Variants in FRMD6 observed in about 807,000 individuals in gnomAD.
The protein encoded by FRMD6 is FERM domain-containing protein 6.
A neutral mutation model predicts 73.2 loss-of-function variants in FRMD6; 37 were observed. That is an observed-to-expected ratio of 0.51 (90% confidence interval 0.39 to 0.66). FRMD6 has a LOEUF of 0.66. FRMD6 is among the 30% of genes least tolerant of loss of function. The pLI, the probability that FRMD6 is intolerant of heterozygous loss-of-function variation, is 0.00. For synonymous variants in FRMD6, 273 were observed against 282.2 expected, an observed-to-expected ratio of 0.97 and a Z score of 0.33; for missense variants, 714 against 780.5, an observed-to-expected ratio of 0.91 and a Z score of 1.02.
intron 2 of FRMD6, chr14:51,578,929 A>T (rs1339568276): frequency 6.6e-6 from 1 of 152,216 alleles, no homozygotes; most frequent in Non-Finnish European, 1.5e-5. Flanking sequence ...GAATGTGGCT[A>T]TGGGAAGGTA....
upstream of FRMD6, among the ~76,000 whole-genome samples, chr14:51,487,694 G>A (rs887708047): frequency 6.6e-6 from 1 of 152,190 alleles, no homozygotes; most frequent in Non-Finnish European, 1.5e-5. Flanking sequence ...AAGGATGAAA[G>A]ATTTTTAAAG....
In FRMD6 at chr14:51,730,672, T is replaced by C. The variant is rs573415293; in HGVS notation, c.*2643T>C. 1 of 152,430 alleles carries C rather than the reference T, an allele frequency of 6.6e-6. No homozygotes were observed. Among genetic ancestry groups the C allele is most frequent in the South Asian group, 2.1e-4 (1 of 4,822 alleles). 9.4% of individuals were successfully genotyped at this position (152,430 alleles called of 1,614,324 possible). ...CCTGCATTATTTTGTAATTATTTCTTATAGATATTTCATGGTAAGATTAGC... is the reference window on the plus strand; with the variant it reads ...CCTGCATTATTTTGTAATTATTTCTCATAGATATTTCATGGTAAGATTAGC... On this transcript the variant is annotated 3_prime_UTR_variant, in exon 14 of 14. Transcript: ENST00000344768.
At chr14:51,477,492 T>C in the FRMD6 span, among the ~76,000 whole-genome samples, 1 of 152,106 alleles carries the variant, frequency 6.6e-6, no homozygotes, top group Non-Finnish European at 1.5e-5. Context: ...GGGAAACAAG[T>C]AGAAGATGAC....
the FRMD6 span, among the ~76,000 whole-genome samples, chr14:51,398,448 T>C: frequency 2.1e-4 from 32 of 152,260 alleles, no homozygotes; most frequent in African/African-American, 7.7e-4. Context: ...TCAAGAACAA[T>C]AGCTATGCAA....
chr14:51,472,732 C>T, the FRMD6 span, among the ~76,000 whole-genome samples: 1 of 152,208 alleles, frequency 6.6e-6, no homozygotes, highest in East Asian at 1.9e-4. Context: ...AGCACCCTGT[C>T]AAAAATTCTG....
intron 1 of FRMD6, among the ~76,000 whole-genome samples, chr14:51,560,111 C>G (rs190762572): frequency 1.3e-5 from 2 of 152,134 alleles, no homozygotes; most frequent in African/African-American, 4.8e-5. Context: ...TAGCAATCTG[C>G]AATACATTTA....
chr14:51,620,406 C>T (rs140562567), intron 2 of FRMD6, among the ~76,000 whole-genome samples: 59 of 152,078 alleles, frequency 3.9e-4, no homozygotes, highest in Middle Eastern at 3.4e-3. Context: ...ACTGATTTGG[C>T]GCATGGTTGG....
At chr14:51,487,822 A>G (rs1882807534), upstream of FRMD6, among the ~76,000 whole-genome samples, 2 of 152,290 alleles carry the variant, frequency 1.3e-5, no homozygotes, top group African/African-American at 4.8e-5. Flanking sequence ...AAATCCCCCC[A>G]CTGATACTGT....
chr14:51,401,549 T>C, the FRMD6 span, among the ~76,000 whole-genome samples: 3 of 152,172 alleles, frequency 2.0e-5, no homozygotes, highest in African/African-American at 7.2e-5. Flanking sequence ...GATCAGGTGA[T>C]ATCTTGGATG....
At chr14:51,714,985 T>G (rs1897162303) in intron 9 of FRMD6, 1 of 163,426 alleles carries the variant, frequency 6.1e-6, no homozygotes, top group South Asian at 2.0e-4. Context: ...AGTTAGGGTG[T>G]TGGGATTATA....
At chr14:51,459,914 G>A in the FRMD6 span, among the ~76,000 whole-genome samples, 4 of 26,762 alleles carry the variant, frequency 1.5e-4, no homozygotes, top group East Asian at 3.3e-3. Flanking sequence ...TACAAACTTC[G>A]GCTATGGCTA....
chr14:51,727,910 T>C lies in FRMD6; in HGVS notation c.1750T>C (p.Cys584Arg). 6.8e-6 allele frequency: 11 copies of C among 1,614,192 alleles called. No homozygotes were observed. Among genetic ancestry groups the C allele is most frequent in the Non-Finnish European group, 9.3e-6 (11 of 1,180,018 alleles). ...TGAACTGGATGAGGAAGGCCTCTAT[T>C]GCAACAGTTGCTTGGCCCAGCAGTG... ...GHELDEEGLY[C>R]NSCLAQQCIN... Residue 584 changes from cysteine (C) to arginine (R), a missense_variant, in exon 14 of 14, where the codon TGC becomes CGC. Coordinates refer to ENST00000344768, the MANE Select transcript of FRMD6 (RefSeq NM_001267046.2).
chr14:51,707,238 T>C (rs1896677177), intron 6 of FRMD6, among the ~76,000 whole-genome samples: 1 of 152,176 alleles, frequency 6.6e-6, no homozygotes, highest in Non-Finnish European at 1.5e-5. Context: ...TTCATCATAT[T>C]TAATTCTCTG....
chr14:51,677,282 A>G (rs1401680838), intron 1 of FRMD6, among the ~76,000 whole-genome samples: 2 of 152,134 alleles, frequency 1.3e-5, no homozygotes, highest in East Asian at 1.9e-4. Context: ...CTCTTTGGGA[A>G]GAAGTATTTC....
chr14:51,468,073 G>T, the FRMD6 span, among the ~76,000 whole-genome samples: 4 of 152,078 alleles, frequency 2.6e-5, no homozygotes, highest in African/African-American at 9.7e-5. Flanking sequence ...CAGATCACTC[G>T]CGGTCAGGAG....
chr14:51,538,717 G>T (rs1886044885), intron 1 of FRMD6, among the ~76,000 whole-genome samples: 2 of 152,052 alleles, frequency 1.3e-5, no homozygotes, highest in South Asian at 2.1e-4. Flanking sequence ...AGATAATAGG[G>T]TTTATTTCTA....
At chr14:51,641,437 C>A (rs531462169) in intron 2 of FRMD6, among the ~76,000 whole-genome samples, 1 of 152,260 alleles carries the variant, frequency 6.6e-6, no homozygotes, top group Non-Finnish European at 1.5e-5. Flanking sequence ...GAGAAAGAGT[C>A]TCCTATTTAC....
chr14:51,546,614 T>C (rs1307269202), intron 1 of FRMD6: 2 of 147,282 alleles, frequency 1.4e-5, no homozygotes, highest in Admixed American at 1.4e-4. Flanking sequence ...AAACCTGTGG[T>C]GTTATTACAC....
chr14:51,697,825 A>T (rs1896047266), intron 2 of FRMD6, among the ~76,000 whole-genome samples: 1 of 152,194 alleles, frequency 6.6e-6, no homozygotes, highest in Non-Finnish European at 1.5e-5. Flanking sequence ...ATTTTTAGTA[A>T]TCTGAGTAGG....
Sources: gnomAD v4.1 joint callset for allele counts (sites outside exome capture counted in the v4.1 genomes callset) on GRCh38, gnomAD v4.1.1 for gene constraint, MANE v1.5 for transcripts, NCBI Gene and HGNC (gene_info 2026-07-23, HGNC 2026-07-21) for gene names.